The following MINDY2 variants were observed in gnomAD, a reference collection of about 807,000 sequenced individuals.
The protein encoded by MINDY2 is MINDY lysine 48 deubiquitinase 2, also known as ubiquitin carboxyl-terminal hydrolase MINDY-2.
MINDY2 carries 52 observed loss-of-function variants against 68.2 expected under a neutral mutation model. The ratio of observed to expected loss-of-function variants is 0.76; its 90% CI spans 0.61 to 0.96. The LOEUF is 0.96. MINDY2 is among the 40% of genes least tolerant of loss of function. The pLI is 0.00. For missense variants in MINDY2, 881 were observed against 773.4 expected, an observed-to-expected ratio of 1.14 and a Z score of -1.65; for synonymous variants, 372 against 303.0, an observed-to-expected ratio of 1.23 and a Z score of -2.36.
At position 58,851,174 on chromosome 15, in the gene MINDY2, A is replaced by G. The variant is rs371510189; in HGVS notation, c.1543-597A>G. On this transcript the variant is annotated intron_variant, in intron 7 of 8. Coordinates refer to ENST00000559228, the MANE Select transcript of MINDY2 (RefSeq NM_001040450.3). ...TTTTTAATAGAGACGGGGTTGTACC[A>G]TGTTGGCCAGGGTGGTCTCGAACTC... 1.3e-4 allele frequency among the ~76,000 whole-genome samples: 20 copies of G among 151,458 alleles called. No homozygotes were observed. The East Asian group carries it at 1.8e-3, about 14-fold the overall frequency.
At chr15:58,809,183 G>A (rs2030042519) in intron 3 of MINDY2, among the ~76,000 whole-genome samples, 4 of 152,136 alleles carry the variant, frequency 2.6e-5, no homozygotes, top group African/African-American at 9.7e-5. Context: ...CTGCACTCTA[G>A]CCTGGGCAAC....
At chr15:58,823,285 G>A (rs2031189164) in intron 5 of MINDY2, among the ~76,000 whole-genome samples, 1 of 151,864 alleles carries the variant, frequency 6.6e-6, no homozygotes. Flanking sequence ...TTACAGGCAT[G>A]CAATAATTTT....
chr15:58,850,895 C>A (rs763516373), intron 7 of MINDY2, among the ~76,000 whole-genome samples: 6 of 151,820 alleles, frequency 4.0e-5, no homozygotes, highest in African/African-American at 1.2e-4. Flanking sequence ...CTCCCCGCTA[C>A]TTTTTGTTTG....
At chr15:58,800,442 G>A (rs1902566568) in intron 2 of MINDY2, among the ~76,000 whole-genome samples, 1 of 152,030 alleles carries the variant, frequency 6.6e-6, no homozygotes, top group Non-Finnish European at 1.5e-5. Context: ...AAACTTATCA[G>A]CATATTATTT....
In MINDY2 at chr15:58,772,296, A is replaced by G. The variant is rs1182111001; in HGVS notation, c.840+61A>G. 3.8e-6 allele frequency: 6 copies of G among 1,593,276 alleles called. No homozygotes were observed. In the African/African-American group the frequency reaches 8.0e-5, roughly 21 times the overall value. ...GGGGTGGAGGAAAACGGGGTGAGGG[A>G]GCTGCTGCATGTCAGGTGATGGCTT... On this transcript the variant is annotated intron_variant, in intron 1 of 8. Coordinates refer to ENST00000559228, the MANE Select transcript of MINDY2 (RefSeq NM_001040450.3).
At chr15:58,814,910 C>G (rs75870720) in intron 4 of MINDY2, among the ~76,000 whole-genome samples, 1 of 151,210 alleles carries the variant, frequency 6.6e-6, no homozygotes, top group South Asian at 2.1e-4. Context: ...CTCAGAGTGC[C>G]GAGGTTACAA....
At chr15:58,795,651 G>A (rs1196269736) in intron 2 of MINDY2, among the ~76,000 whole-genome samples, 2 of 152,212 alleles carry the variant, frequency 1.3e-5, no homozygotes, top group East Asian at 1.9e-4. Context: ...TGATCCACCC[G>A]TCTCGGCCTC....
At chr15:58,780,728 G>T (rs1901079853) in intron 1 of MINDY2, among the ~76,000 whole-genome samples, 1 of 152,148 alleles carries the variant, frequency 6.6e-6, no homozygotes, top group Non-Finnish European at 1.5e-5. Context: ...GACACTTCTA[G>T]TTTCAGAGTC....
chr15:58,795,947 T>G, intron 2 of MINDY2: 3 of 355,562 alleles, frequency 8.4e-6, no homozygotes, highest in Non-Finnish European at 1.1e-5. Flanking sequence ...CAAGAGAGGG[T>G]GAAGATTGTT....
intron 5 of MINDY2, among the ~76,000 whole-genome samples, chr15:58,827,612 C>G (rs1168379508): frequency 1.3e-5 from 2 of 152,042 alleles, no homozygotes; most frequent in Non-Finnish European, 2.9e-5. Context: ...TACAGGCGCC[C>G]GCCACCACGG....
chr15:58,782,394 TTC>T (rs746098469), intron 1 of MINDY2, among the ~76,000 whole-genome samples: 1 of 152,220 alleles, frequency 6.6e-6, no homozygotes, highest in African/African-American at 2.4e-5. Context: ...AAATCTTATC[TTC>T]TGTGTTCCAA....
chr15:58,836,657 C>T (rs2032008009), intron 6 of MINDY2, among the ~76,000 whole-genome samples: 1 of 152,094 alleles, frequency 6.6e-6, no homozygotes, highest in African/African-American at 2.4e-5. Flanking sequence ...CTTGCTCTGT[C>T]ACCCAGGCTT....
At chr15:58,785,454 G>C (rs564893471) in intron 1 of MINDY2, among the ~76,000 whole-genome samples, 1 of 152,248 alleles carries the variant, frequency 6.6e-6, no homozygotes, top group South Asian at 2.1e-4. Flanking sequence ...ATGCCATACT[G>C]TCTCTGCTGC....
intron 1 of MINDY2, among the ~76,000 whole-genome samples, chr15:58,775,542 A>G (rs2140889025): frequency 6.6e-6 from 1 of 152,338 alleles, no homozygotes; most frequent in African/African-American, 2.4e-5. Context: ...AGCACGAAGA[A>G]TTGATGCAGA....
At position 58,771,307 on chromosome 15, in the gene MINDY2, T is replaced by C; in HGVS notation, c.-89T>C. On this transcript the variant is annotated 5_prime_UTR_variant, in exon 1 of 9. Coordinates refer to ENST00000559228, the MANE Select transcript of MINDY2 (RefSeq NM_001040450.3). ...GACCGAGGCCGCGCCAGGGCGCTGT[T>C]GCTGCCAATACAGCTGTCATGGCGT... 6.6e-7 allele frequency: 1 copy of C among 1,515,294 alleles called. No individual in the cohort carries two copies. The highest frequency in any genetic ancestry group is 8.8e-7 in the Non-Finnish European group (1 of 1,135,096). 93.9% of individuals were successfully genotyped at this position (1,515,294 alleles called of 1,614,324 possible).
intron 3 of MINDY2, among the ~76,000 whole-genome samples, chr15:58,808,997 G>A (rs1431653313): frequency 6.6e-6 from 1 of 152,192 alleles, no homozygotes. Context: ...AATCACTTGA[G>A]CTCAGAAATT....
intron 2 of MINDY2, among the ~76,000 whole-genome samples, chr15:58,795,835 A>G (rs1319368387): frequency 6.6e-6 from 1 of 151,992 alleles, no homozygotes; most frequent in African/African-American, 2.4e-5. Flanking sequence ...TTTTAAGTGC[A>G]ACATTACCTC....
At chr15:58,799,436 G>A (rs1169787498) in intron 2 of MINDY2, among the ~76,000 whole-genome samples, 2 of 152,020 alleles carry the variant, frequency 1.3e-5, no homozygotes, top group African/African-American at 2.4e-5. Context: ...GCGTGGTGGC[G>A]GGTGCCTGTA....
intron 4 of MINDY2, among the ~76,000 whole-genome samples, chr15:58,817,420 A>C (rs962654120): frequency 1.3e-5 from 2 of 152,224 alleles, no homozygotes; most frequent in African/African-American, 4.8e-5. Context: ...AGACTGGCTA[A>C]CATTTAAAAG....
Sources: allele counts gnomAD v4.1 joint callset (sites outside exome capture counted in the v4.1 genomes callset), GRCh38; gene constraint gnomAD v4.1.1; transcripts MANE v1.5; gene names NCBI Gene and HGNC (gene_info 2026-07-23, HGNC 2026-07-21).